YAF2: variants seen among roughly 807,000 people sequenced by gnomAD.
The protein encoded by YAF2 is YY1-associated factor 2.
In YAF2, 7 loss-of-function variants were observed where a neutral mutation model predicts 20.1. That is an observed-to-expected ratio of 0.35 (90% CI 0.20 to 0.65). The LOEUF (loss-of-function observed/expected upper bound fraction) is 0.65, where lower values mean the gene tolerates loss of function less well. Among genes scored for constraint, YAF2 ranks in the 30% least tolerant of loss-of-function variants. YAF2 has a pLI of 0.69. For missense variants in YAF2, 151 were observed against 219.2 expected (o/e 0.69, Z 1.96); for synonymous variants, 74 against 76.0 (o/e 0.97, Z 0.14).
At chr12:42,233,524 T>A in intron 2 of YAF2, 1 of 972,864 alleles carries the variant, frequency 1.0e-6, no homozygotes, top group Non-Finnish European at 1.2e-6. Flanking sequence ...AGAATTTTGT[T>A]TTTTTGAGAC....
chr12:42,224,249 T>C (rs2067614010), intron 2 of YAF2, among the ~76,000 whole-genome samples: 1 of 152,196 alleles, frequency 6.6e-6, no homozygotes, highest in Non-Finnish European at 1.5e-5. Context: ...CCTAGCATAA[T>C]TCATTGCATA....
chr12:42,232,025 TC>T (rs2067997769), intron 2 of YAF2: 1 of 152,218 alleles, frequency 6.6e-6, no homozygotes, highest in South Asian at 2.1e-4. Context: ...ACATGTGCTT[TC>T]CCTTAACCAC....
intron 2 of YAF2, among the ~76,000 whole-genome samples, chr12:42,192,463 C>T (rs924218056): frequency 6.6e-6 from 1 of 152,156 alleles, no homozygotes; most frequent in East Asian, 1.9e-4. Flanking sequence ...GAGCTGTGAT[C>T]GTGCCACTGC....
intron 2 of YAF2, among the ~76,000 whole-genome samples, chr12:42,215,125 G>A (rs1464981565): frequency 6.6e-6 from 1 of 152,200 alleles, no homozygotes; most frequent in African/African-American, 2.4e-5. Flanking sequence ...AATGTTTAAT[G>A]AGTAATGAAA....
intron 2 of YAF2, among the ~76,000 whole-genome samples, chr12:42,179,253 T>G (rs1452799416): frequency 6.6e-6 from 1 of 152,172 alleles, no homozygotes; most frequent in Non-Finnish European, 1.5e-5. Context: ...CTGTATCACC[T>G]GAGGTCAGGA....
intron 2 of YAF2, among the ~76,000 whole-genome samples, chr12:42,163,720 A>C (rs772041511): frequency 2.6e-5 from 4 of 152,350 alleles, no homozygotes; most frequent in African/African-American, 7.2e-5. Context: ...AGCACAAAAC[A>C]TAAATGTATA....
chr12:42,162,742 C>T (rs182272546), intron 2 of YAF2, among the ~76,000 whole-genome samples: 56 of 152,044 alleles, frequency 3.7e-4, no homozygotes, highest in Admixed American at 7.2e-4. Flanking sequence ...ATTGTACAAT[C>T]TAAGAATTAA....
At chr12:42,165,502 C>T (rs142571469) in intron 2 of YAF2, among the ~76,000 whole-genome samples, 1,589 of 152,196 alleles carry the variant, frequency 0.01, 28 homozygotes, top group African/African-American at 0.037. Flanking sequence ...CTAGCTCTGT[C>T]GCCCAGGCTG....
chr12:42,194,262 C>G (rs2066691163), intron 2 of YAF2, among the ~76,000 whole-genome samples: 1 of 152,174 alleles, frequency 6.6e-6, no homozygotes, highest in Non-Finnish European at 1.5e-5. Flanking sequence ...ATTTCCTAGG[C>G]CTTCCTTCAC....
chr12:42,237,534 C>T (rs945299178), intron 2 of YAF2, 65 bp downstream of exon 2: 3 of 1,433,294 alleles, frequency 2.1e-6, no homozygotes, highest in Non-Finnish European at 2.8e-6. Context: ...GGGCGGCAGC[C>T]GCAAGGGCGT....
chr12:42,201,153 C>T (rs1040108491), intron 2 of YAF2, among the ~76,000 whole-genome samples: 1 of 152,160 alleles, frequency 6.6e-6, no homozygotes, highest in Non-Finnish European at 1.5e-5. Flanking sequence ...TTCCTACTGA[C>T]AGGCATTTAG....
chr12:42,228,295 T>TGG (rs1239875339), intron 2 of YAF2, among the ~76,000 whole-genome samples: 1 of 14,184 alleles, frequency 7.1e-5, no homozygotes, highest in African/African-American at 9.4e-4. Flanking sequence ...GGGAGGGAGG[T>TGG]GGGGGGGGGT....
chr12:42,226,159 C>A (rs1010105697), intron 2 of YAF2, among the ~76,000 whole-genome samples: 2 of 152,080 alleles, frequency 1.3e-5, no homozygotes, highest in African/African-American at 2.4e-5. Flanking sequence ...CAATATATTT[C>A]TTAATACGCT....
intron 2 of YAF2, among the ~76,000 whole-genome samples, chr12:42,220,810 C>G (rs1395097450): frequency 2.0e-5 from 3 of 152,172 alleles, no homozygotes; most frequent in African/African-American, 7.2e-5. Context: ...GCTATACAAA[C>G]TTTACACCAT....
chr12:42,215,559 A>G (rs1048293665), intron 2 of YAF2, among the ~76,000 whole-genome samples: 3 of 152,206 alleles, frequency 2.0e-5, no homozygotes, highest in African/African-American at 7.2e-5. Flanking sequence ...AAAAACAGAA[A>G]ATAAGGGTTT....
At chr12:42,212,696 T>C (rs2067247021) in intron 2 of YAF2, among the ~76,000 whole-genome samples, 1 of 152,232 alleles carries the variant, frequency 6.6e-6, no homozygotes, top group Non-Finnish European at 1.5e-5. Context: ...ATTTGTTAGG[T>C]TGACAACACA....
rs572112060 is a variant in YAF2, at chr12:42,184,829, T to C, written c.153-23064A>G. On this transcript the variant is annotated intron_variant, in intron 2 of 3. Coordinates refer to ENST00000534854, the MANE Select transcript of YAF2 (RefSeq NM_005748.6). ...ATGCCAATTATCATGGATGACTGAA[T>C]GGTTCAAGATTTCAGTGGAGGAAGT... Among the ~76,000 whole-genome samples the C allele has an allele frequency of 4.6e-5, 7 of 152,288 alleles. No homozygotes were observed. The East Asian group carries it at 1.4e-3, about 29-fold the overall frequency.
chr12:42,159,016 T>G lies in YAF2; in HGVS notation c.*1573A>C, dbSNP rs958614560. The G allele has an allele frequency of 6.6e-6, 1 of 152,156 alleles. No individual in the cohort carries two copies. Among genetic ancestry groups the G allele is most frequent in the Non-Finnish European group, 1.5e-5 (1 of 67,998 alleles). 9.4% of individuals were successfully genotyped at this position (152,156 alleles called of 1,614,324 possible). ...AATAAACACAAATTTTAATTTTTCA[T>G]TTAACAACACTAAAGAATGAGGTAT... On this transcript the variant is annotated 3_prime_UTR_variant, in exon 4 of 4. Coordinates refer to ENST00000534854, the MANE Select transcript of YAF2 (RefSeq NM_005748.6).
chr12:42,216,126 A>G (rs1305063406), intron 2 of YAF2, among the ~76,000 whole-genome samples: 2 of 152,150 alleles, frequency 1.3e-5, no homozygotes, highest in Admixed American at 1.3e-4. Flanking sequence ...ATATTACTAG[A>G]TAATTATATC....
Sources: gnomAD v4.1 joint callset for allele counts (sites outside exome capture counted in the v4.1 genomes callset) on GRCh38, gnomAD v4.1.1 for gene constraint, MANE v1.5 for transcripts, NCBI Gene and HGNC (gene_info 2026-07-23, HGNC 2026-07-21) for gene names.